Variants in LRRIQ3 observed in about 807,000 individuals in gnomAD.
The protein encoded by LRRIQ3 is leucine rich repeats and IQ motif containing 3.
LRRIQ3 carries 75 observed loss-of-function variants against 59.3 expected under a neutral mutation model. The ratio of observed to expected loss-of-function variants is 1.26; its 90% confidence interval spans 1.05 to 1.53. The LOEUF (loss-of-function observed/expected upper bound fraction) is 1.53. LRRIQ3 is among the 40% of genes most tolerant of loss of function. LRRIQ3 has a pLI of 0.00. For missense variants in LRRIQ3, 831 were observed against 710.0 expected, an observed-to-expected ratio of 1.17 and a Z score of -1.94; for synonymous variants, 250 against 231.3, an observed-to-expected ratio of 1.08 and a Z score of -0.73.
intron 4 of LRRIQ3, among the ~76,000 whole-genome samples, chr1:74,143,370 G>A (rs549527060): frequency 6.6e-6 from 1 of 152,034 alleles, no homozygotes; most frequent in East Asian, 1.9e-4. Flanking sequence ...ATTGAAAGAA[G>A]TAAGGTAAAT....
intron 5 of LRRIQ3, among the ~76,000 whole-genome samples, chr1:74,108,237 T>TAC (rs1437755054): frequency 1.3e-5 from 2 of 151,930 alleles, no homozygotes; most frequent in Middle Eastern, 3.4e-3. Context: ...ATACTCTGTA[T>TAC]AAAGTATGTA....
chr1:74,183,618 T>A lies in LRRIQ3; in HGVS notation c.67A>T (p.Ile23Leu), dbSNP rs774292822. ...HEEWSHYNENIREGQKDFVFV... is the reference protein window; with the variant it reads ...HEEWSHYNENLREGQKDFVFV... Reference sequence around the variant, plus strand: ...ACAAAATCTTTTTGACCTTCTCTTATGTTTTCATTATAGTGACTCCATTCT... The same window carrying A: ...ACAAAATCTTTTTGACCTTCTCTTAAGTTTTCATTATAGTGACTCCATTCT... The change falls in exon 2 of 8, where the codon ATA (isoleucine) becomes TTA (leucine). Residue 23 changes from isoleucine to leucine, a missense_variant. Physicochemically the swap from Ile to Leu is conservative, Grantham distance 5. Coordinates refer to ENST00000354431, the MANE Select transcript of LRRIQ3 (RefSeq NM_001105659.2). 1 of 1,612,144 alleles carries A rather than the reference T, an allele frequency of 6.2e-7. No homozygotes were observed. Among genetic ancestry groups the A allele is most frequent in the Non-Finnish European group, 8.5e-7 (1 of 1,178,806 alleles).
chr1:74,056,305 C>A (rs1338194350), intron 6 of LRRIQ3, among the ~76,000 whole-genome samples: 2 of 151,922 alleles, frequency 1.3e-5, no homozygotes, highest in African/African-American at 2.4e-5. Flanking sequence ...TCTGTAAGAT[C>A]TGGAAAAAGA....
chr1:74,102,528 C>G (rs1201634010), intron 5 of LRRIQ3, among the ~76,000 whole-genome samples: 1 of 151,894 alleles, frequency 6.6e-6, no homozygotes, highest in South Asian at 2.1e-4. Context: ...TTTGAAAATG[C>G]AAAATGACGT....
chr1:74,071,032 T>TAC (rs1310379599), intron 6 of LRRIQ3, among the ~76,000 whole-genome samples: 88 of 119,336 alleles, frequency 7.4e-4, no homozygotes, highest in African/African-American at 2.3e-3. Flanking sequence ...TATATATATA[T>TAC]ACACACACAC....
chr1:74,109,990 ACT>A (rs1646672288), intron 4 of LRRIQ3, among the ~76,000 whole-genome samples: 1 of 151,716 alleles, frequency 6.6e-6, no homozygotes, highest in Non-Finnish European at 1.5e-5. Context: ...TAGGAAATAT[ACT>A]CTAGAGCAGT....
intron 7 of LRRIQ3, 86 bp downstream of exon 7, chr1:74,041,127 T>A: frequency 9.3e-7 from 1 of 1,074,848 alleles, no homozygotes; most frequent in Non-Finnish European, 1.3e-6. Flanking sequence ...ACAAACAGCA[T>A]ACTAATTATT....
intron 3 of LRRIQ3, among the ~76,000 whole-genome samples, chr1:74,171,907 T>C (rs928411076): frequency 6.6e-6 from 1 of 152,176 alleles, no homozygotes; most frequent in Non-Finnish European, 1.5e-5. Context: ...TTGTCCACTT[T>C]GTTGGAGTAT....
chr1:74,191,454 T>C (rs1004604942), intron 1 of LRRIQ3, among the ~76,000 whole-genome samples: 43 of 152,274 alleles, frequency 2.8e-4, no homozygotes, highest in African/African-American at 1.0e-3. Context: ...CAACTAGTTT[T>C]ATTTTAATTC....
At chr1:74,050,920 G>T (rs1022917611) in intron 6 of LRRIQ3, among the ~76,000 whole-genome samples, 8 of 151,986 alleles carry the variant, frequency 5.3e-5, no homozygotes, top group Non-Finnish European at 1.2e-4. Flanking sequence ...CATTACACAC[G>T]CACATATACT....
chr1:74,102,832 C>T (rs915498102), intron 5 of LRRIQ3, among the ~76,000 whole-genome samples: 6 of 152,016 alleles, frequency 3.9e-5, no homozygotes, highest in African/African-American at 1.2e-4. Context: ...CCACTTGCTG[C>T]TTTTCAAAAC....
rs1008567160 is a variant in LRRIQ3 at position 74,091,881 on chromosome 1, A to G, written c.868-17091T>C. Reference sequence around the variant, plus strand: ...CATACCTACTCTGCAGCAAAGACTTATATTTGTTCTTTAATATTCGTTTAC... The same window carrying G: ...CATACCTACTCTGCAGCAAAGACTTGTATTTGTTCTTTAATATTCGTTTAC... On this transcript the variant is annotated intron_variant, in intron 5 of 7. Coordinates refer to ENST00000354431, the MANE Select transcript of LRRIQ3 (RefSeq NM_001105659.2). 2.0e-5 allele frequency among the ~76,000 whole-genome samples: 3 copies of G among 152,166 alleles called. No homozygotes were observed. The Middle Eastern group carries it at 0.01, about 518-fold the overall frequency.
chr1:74,060,425 G>C (rs773079870), intron 6 of LRRIQ3, among the ~76,000 whole-genome samples: 13 of 150,820 alleles, frequency 8.6e-5, no homozygotes, highest in Non-Finnish European at 1.3e-4. Flanking sequence ...TTCTTAAGGT[G>C]GAAAGTTAGG....
At chr1:74,030,214 A>G (rs984354524) in intron 7 of LRRIQ3, among the ~76,000 whole-genome samples, 7 of 152,112 alleles carry the variant, frequency 4.6e-5, no homozygotes, top group Non-Finnish European at 8.8e-5. Context: ...TTATAGATTC[A>G]GTGCCATCCC....
intron 5 of LRRIQ3, among the ~76,000 whole-genome samples, chr1:74,100,571 T>A (rs1019169012): frequency 6.6e-6 from 1 of 152,182 alleles, no homozygotes; most frequent in African/African-American, 2.4e-5. Context: ...CAAGTTCATA[T>A]GGAACCAAAA....
At chr1:74,087,628 T>G (rs555569846) in intron 5 of LRRIQ3, among the ~76,000 whole-genome samples, 1 of 152,066 alleles carries the variant, frequency 6.6e-6, no homozygotes, top group Non-Finnish European at 1.5e-5. Flanking sequence ...TTAGTACTTA[T>G]GTAAAAACAA....
intron 3 of LRRIQ3, among the ~76,000 whole-genome samples, chr1:74,159,017 A>C (rs1245597922): frequency 1.3e-5 from 2 of 152,108 alleles, no homozygotes. Context: ...CTCAGGGTAA[A>C]ACAGTCTGTG....
chr1:74,121,447 A>T (rs543519629), intron 4 of LRRIQ3, among the ~76,000 whole-genome samples: 2 of 152,230 alleles, frequency 1.3e-5, no homozygotes, highest in Non-Finnish European at 2.9e-5. Context: ...ATAACCCCTT[A>T]TGGGCAAGAC....
chr1:74,085,339 AAT>A (rs1332678322), intron 5 of LRRIQ3, among the ~76,000 whole-genome samples: 26 of 149,602 alleles, frequency 1.7e-4, no homozygotes, highest in Middle Eastern at 3.4e-3. Flanking sequence ...AAAAAAAAAA[AAT>A]AAAACACAAC....
Sources: gnomAD v4.1 joint callset for allele counts (sites outside exome capture counted in the v4.1 genomes callset) on GRCh38, gnomAD v4.1.1 for gene constraint, MANE v1.5 for transcripts, NCBI Gene and HGNC (gene_info 2026-07-23, HGNC 2026-07-21) for gene names.